GOLGA4: variants seen among roughly 807,000 people sequenced by gnomAD.
The protein encoded by GOLGA4 is golgin subfamily A member 4.
A neutral mutation model predicts 265.9 loss-of-function variants in GOLGA4; 169 were observed. The observed-to-expected ratio is 0.64, with a 90% CI of 0.56 to 0.72. The LOEUF (loss-of-function observed/expected upper bound fraction) is 0.72, where lower values mean the gene tolerates loss of function less well. Ranked by LOEUF, GOLGA4 falls within the 30% of genes least tolerant of loss-of-function variation. The probability of loss-of-function intolerance (pLI) is 0.00; values close to 1 mark genes in which losing one functional copy is unlikely to be tolerated. For synonymous variants in GOLGA4, 923 were observed against 855.8 expected, an observed-to-expected ratio of 1.08 and a Z score of -1.37; for missense variants, 2,482 against 2,483.4, an observed-to-expected ratio of 1.00 and a Z score of 0.01.
At chr3:37,292,218 G>T (rs62244338) in intron 5 of GOLGA4, among the ~76,000 whole-genome samples, 1 of 152,144 alleles carries the variant, frequency 6.6e-6, no homozygotes, top group Non-Finnish European at 1.5e-5. Context: ...ACAGAGTCCA[G>T]CATGGAAGGT....
At chr3:37,248,943 T>A (rs1419552206) in intron 1 of GOLGA4, among the ~76,000 whole-genome samples, 2 of 152,228 alleles carry the variant, frequency 1.3e-5, no homozygotes, top group Non-Finnish European at 2.9e-5. Context: ...CATGATAGAA[T>A]CACAACAGAG....
At chr3:37,281,039 G>A (rs1241505202) in intron 2 of GOLGA4, among the ~76,000 whole-genome samples, 1 of 152,114 alleles carries the variant, frequency 6.6e-6, no homozygotes, top group Non-Finnish European at 1.5e-5. Flanking sequence ...TGGCACCTTT[G>A]AGATCTTAGT....
At chr3:37,264,974 G>T (rs1366042819) in intron 2 of GOLGA4, among the ~76,000 whole-genome samples, 1 of 151,984 alleles carries the variant, frequency 6.6e-6, no homozygotes, top group Non-Finnish European at 1.5e-5. Context: ...TTGTGGGGGA[G>T]GCCCTATATA....
At chr3:37,328,251 C>CACACACACACACAT (rs2096978333) in intron 14 of GOLGA4, among the ~76,000 whole-genome samples, 165 bp from the exon 15 acceptor site, 2 of 144,308 alleles carry the variant, frequency 1.4e-5, no homozygotes, top group South Asian at 2.1e-4. Flanking sequence ...CACACACACA[C>CACACACACACACAT]ACACACACAC....
At chr3:37,302,438 T>A (rs2096895612) in intron 10 of GOLGA4, 106 bp downstream of exon 10, 1 of 990,898 alleles carries the variant, frequency 1.0e-6, no homozygotes, top group African/African-American at 1.6e-5. Context: ...AATTCTTAAC[T>A]ATAGAGGCTC....
At chr3:37,364,836 C>T (rs1474954872) in intron 23 of GOLGA4, among the ~76,000 whole-genome samples, 2 of 151,726 alleles carry the variant, frequency 1.3e-5, no homozygotes, top group African/African-American at 4.8e-5. Flanking sequence ...AAGCAGTCCT[C>T]TGACCCTGGT....
intron 10 of GOLGA4, among the ~76,000 whole-genome samples, chr3:37,310,699 G>C (rs2096920621): frequency 1.3e-5 from 2 of 151,846 alleles, no homozygotes; most frequent in South Asian, 2.1e-4. Flanking sequence ...ATTAAAGATT[G>C]ACCTAAAAGT....
At position 37,340,106 on chromosome 3, in the gene GOLGA4, ATTAT is replaced by A. The variant is rs2097028248; in HGVS notation, c.6397-15_6397-12del. On this transcript the variant is annotated splice_polypyrimidine_tract_variant and intron_variant, in intron 19 of 23. Transcript: ENST00000361924. ...TTCCCTGTGAATCTTATATGGTCTG[ATTAT>A]TTGTTATTTTTAGATTCACAATTTA... 1 of 988,274 alleles carries A rather than the reference ATTAT, an allele frequency of 1.0e-6. No individual in the cohort carries two copies. Among genetic ancestry groups the A allele is most frequent in the Admixed American group, 2.0e-5 (1 of 50,454 alleles). 61.2% of individuals were successfully genotyped at this position (988,274 alleles called of 1,614,324 possible). A position where few individuals can be genotyped will look rare whatever the true frequency, so the allele number is the denominator to read the frequency against.
intron 2 of GOLGA4, chr3:37,275,701 C>T (rs759398903): frequency 3.4e-5 from 54 of 1,611,872 alleles, no homozygotes; most frequent in South Asian, 4.4e-5. Context: ...CCATGGAGGA[C>T]GAAGTGGTCC....
At chr3:37,257,624 G>A (rs990703693) in intron 2 of GOLGA4, among the ~76,000 whole-genome samples, 3 of 151,722 alleles carry the variant, frequency 2.0e-5, no homozygotes, top group Non-Finnish European at 4.4e-5. Context: ...TTGTGTGAGG[G>A]GAGGGGAACA....
At chr3:37,288,584 C>G (rs1038336839) in intron 4 of GOLGA4, among the ~76,000 whole-genome samples, 14 of 151,594 alleles carry the variant, frequency 9.2e-5, no homozygotes, top group Non-Finnish European at 2.1e-4. Context: ...TCACGCCATT[C>G]TCCTGCCTCA....
chr3:37,348,946 A>T (rs1416194701), intron 21 of GOLGA4, among the ~76,000 whole-genome samples: 1 of 152,124 alleles, frequency 6.6e-6, no homozygotes, highest in Non-Finnish European at 1.5e-5. Context: ...TTAATCTTAG[A>T]GTGTGACTTG....
At chr3:37,267,711 C>G (rs2096787381) in intron 2 of GOLGA4, among the ~76,000 whole-genome samples, 1 of 151,968 alleles carries the variant, frequency 6.6e-6, no homozygotes, top group South Asian at 2.1e-4. Context: ...ATTACAAAAA[C>G]AAAAGAAAAG....
chr3:37,298,807 C>G (rs767108934), intron 7 of GOLGA4, 26 bp from the exon 8 acceptor site: 18 of 1,525,352 alleles, frequency 1.2e-5, no homozygotes, highest in Non-Finnish European at 1.5e-5. Flanking sequence ...TACTGATGGG[C>G]CCTTCTTATG....
chr3:37,252,087 A>G (rs573142745), intron 2 of GOLGA4, among the ~76,000 whole-genome samples: 2 of 152,186 alleles, frequency 1.3e-5, no homozygotes, highest in Non-Finnish European at 2.9e-5. Context: ...TAACTTATTT[A>G]ACTTATTCCA....
intron 23 of GOLGA4, among the ~76,000 whole-genome samples, chr3:37,364,518 A>G (rs895979722): frequency 3.6e-4 from 55 of 151,770 alleles, no homozygotes; most frequent in Admixed American, 1.3e-4. Context: ...CTGGGATTAC[A>G]GGCGTGAGCC....
In GOLGA4 at chr3:37,323,740, C is replaced by G; in HGVS notation, c.1854C>G (p.Ser618Arg). 6.2e-7 allele frequency: 1 copy of G among 1,613,712 alleles called. No homozygotes were observed. Among genetic ancestry groups the G allele is most frequent in the Non-Finnish European group, 8.5e-7 (1 of 1,179,896 alleles). ...AAAAACACAAGACAGAATTGGAAAG[C>G]CTTAAGCATCAGCAGGATGCCCTTT... is the stretch of plus-strand genomic sequence containing the variant. ...MVEKHKTELE[S>R]LKHQQDALWT... Residue 618 changes from serine (S) to arginine (R), a missense_variant, in exon 14 of 24, where the codon AGC becomes AGG. Ser to Arg is a moderately radical substitution (Grantham distance 110, BLOSUM62 -1). Coordinates refer to ENST00000361924, the MANE Select transcript of GOLGA4 (RefSeq NM_002078.5).
At chr3:37,267,549 A>T (rs1163921248) in intron 2 of GOLGA4, among the ~76,000 whole-genome samples, 1 of 152,206 alleles carries the variant, frequency 6.6e-6, no homozygotes, top group African/African-American at 2.4e-5. Context: ...ACATTTTCCT[A>T]TTGAAAGTAT....
intron 20 of GOLGA4, among the ~76,000 whole-genome samples, chr3:37,346,918 A>G (rs1411367310): frequency 2.0e-5 from 3 of 152,190 alleles, no homozygotes; most frequent in Non-Finnish European, 4.4e-5. Flanking sequence ...TCTAAACCCA[A>G]AGTAATGTAC....
Sources: allele counts gnomAD v4.1 joint callset (sites outside exome capture counted in the v4.1 genomes callset), GRCh38; gene constraint gnomAD v4.1.1; transcripts MANE v1.5; gene names NCBI Gene and HGNC (gene_info 2026-07-23, HGNC 2026-07-21).